Variants in CENPP observed in about 807,000 individuals in gnomAD.
CENPP encodes centromere protein P.
A neutral mutation model predicts 35.6 loss-of-function variants in CENPP; 24 were observed. The observed-to-expected ratio is 0.67, with a 90% CI of 0.49 to 0.95. CENPP has a LOEUF of 0.95. Ranked by LOEUF, CENPP falls within the 40% of genes least tolerant of loss-of-function variation. The pLI is 0.00. For missense variants in CENPP, 332 were observed against 345.3 expected, an observed-to-expected ratio of 0.96 and a Z score of 0.31; for synonymous variants, 120 against 125.5, an observed-to-expected ratio of 0.96 and a Z score of 0.29.
chr9:92,526,231 CA>C (rs1848400104), intron 5 of CENPP, among the ~76,000 whole-genome samples: 1 of 151,748 alleles, frequency 6.6e-6, no homozygotes, highest in African/African-American at 2.4e-5. Flanking sequence ...CAGTTTTTAA[CA>C]AAAATGTTTG....
intron 5 of CENPP, among the ~76,000 whole-genome samples, chr9:92,585,122 A>G (rs1850510773): frequency 6.6e-6 from 1 of 152,242 alleles, no homozygotes; most frequent in East Asian, 1.9e-4. Context: ...TAGAATGACA[A>G]GAATGTTTAC....
chr9:92,416,098 A>G (rs1293347168), intron 5 of CENPP, among the ~76,000 whole-genome samples: 1 of 133,532 alleles, frequency 7.5e-6, no homozygotes, highest in Non-Finnish European at 1.6e-5. Flanking sequence ...TTATTTATTT[A>G]TTTTATTTTT....
chr9:92,394,320 G>A (rs895802275), intron 5 of CENPP, among the ~76,000 whole-genome samples: 2 of 151,894 alleles, frequency 1.3e-5, no homozygotes, highest in Non-Finnish European at 2.9e-5. Flanking sequence ...TTGGCTCATT[G>A]CAACCTCCAC....
intron 5 of CENPP, among the ~76,000 whole-genome samples, chr9:92,594,806 A>G (rs916661020): frequency 6.6e-6 from 1 of 152,076 alleles, no homozygotes; most frequent in Non-Finnish European, 1.5e-5. Flanking sequence ...ATTTTTTAAA[A>G]ACTTTTAAAA....
At chr9:92,488,952 C>G (rs1199049351) in intron 5 of CENPP, among the ~76,000 whole-genome samples, 1 of 152,160 alleles carries the variant, frequency 6.6e-6, no homozygotes, top group East Asian at 1.9e-4. Context: ...AAAAAATATG[C>G]TAGACTAAGT....
chr9:92,471,054 C>T (rs1845493696), intron 5 of CENPP, among the ~76,000 whole-genome samples: 1 of 152,148 alleles, frequency 6.6e-6, no homozygotes, highest in African/African-American at 2.4e-5. Flanking sequence ...ATTGGAGTGG[C>T]CTTAGTGGCT....
At chr9:92,333,045 A>C (rs1840804783) in intron 2 of CENPP, among the ~76,000 whole-genome samples, 1 of 152,190 alleles carries the variant, frequency 6.6e-6, no homozygotes, top group Non-Finnish European at 1.5e-5. Context: ...GAAAGCTGCC[A>C]AGATAAATAT....
intron 5 of CENPP, chr9:92,517,394 G>C: frequency 1.8e-6 from 1 of 560,698 alleles, no homozygotes; most frequent in Non-Finnish European, 3.2e-6. Flanking sequence ...TTCAGGATCT[G>C]TTGTAGAAAT....
At chr9:92,471,667 T>TC (rs1026481998) in intron 5 of CENPP, among the ~76,000 whole-genome samples, 2 of 147,702 alleles carry the variant, frequency 1.4e-5, no homozygotes, top group African/African-American at 5.1e-5. Flanking sequence ...TATTATTCTT[T>TC]TTTTTTTTTT....
intron 5 of CENPP, among the ~76,000 whole-genome samples, chr9:92,478,524 G>A (rs1472151433): frequency 1.3e-5 from 2 of 152,006 alleles, no homozygotes; most frequent in East Asian, 3.8e-4. Flanking sequence ...CGCCATCTTG[G>A]CTCACTGCAA....
At chr9:92,372,283 C>G (rs1842029194) in intron 4 of CENPP, among the ~76,000 whole-genome samples, 4 of 151,646 alleles carry the variant, frequency 2.6e-5, no homozygotes, top group Admixed American at 2.6e-4. Context: ...TAAGCAGTGT[C>G]TAGGTGGATA....
intron 5 of CENPP, among the ~76,000 whole-genome samples, chr9:92,501,744 T>A (rs766228662): frequency 2.0e-4 from 31 of 152,150 alleles, no homozygotes; most frequent in Non-Finnish European, 4.3e-4. Flanking sequence ...GGCCTCTCCA[T>A]CCTGCTTCTG....
chr9:92,618,773 T>C lies in CENPP; in HGVS notation c.*5624T>C. On this transcript the variant is annotated 3_prime_UTR_variant, in exon 8 of 8. Coordinates refer to ENST00000375587, the MANE Select transcript of CENPP (RefSeq NM_001012267.3). ...GGGAACAGGAATCCTGGGAACTGTT[T>C]AGTTCAAAAGCACCGGGAAAGTGAG... The C allele has an allele frequency of 2.8e-6, 1 of 356,366 alleles. No individual in the cohort carries two copies. The highest frequency in any genetic ancestry group is 7.4e-5 in the East Asian group (1 of 13,570). The allele number at this position is 356,366 out of a possible 1,614,324, so 22.1% of individuals were successfully genotyped here.
intron 5 of CENPP, among the ~76,000 whole-genome samples, chr9:92,390,587 T>TGTGCGCAC (rs749697394): frequency 7.1e-6 from 1 of 141,814 alleles, no homozygotes; most frequent in African/African-American, 2.5e-5. Context: ...TGTGTGTGTG[T>TGTGCGCAC]GCGCGCGCGC....
intron 2 of CENPP, among the ~76,000 whole-genome samples, chr9:92,333,620 T>A (rs1017911295): frequency 1.3e-5 from 2 of 152,160 alleles, no homozygotes; most frequent in African/African-American, 2.4e-5. Context: ...GAAATCTAAG[T>A]AGTTATAGGA....
intron 5 of CENPP, among the ~76,000 whole-genome samples, chr9:92,381,787 A>G (rs777091103): frequency 3.9e-5 from 6 of 152,090 alleles, no homozygotes; most frequent in Non-Finnish European, 7.4e-5. Flanking sequence ...TCTATGTTTA[A>G]TTATTTGAAG....
At chr9:92,526,511 A>G (rs1355266732) in intron 5 of CENPP, among the ~76,000 whole-genome samples, 1 of 152,074 alleles carries the variant, frequency 6.6e-6, no homozygotes, top group Admixed American at 6.5e-5. Flanking sequence ...CTAATAATAC[A>G]TCGTAAAGAA....
At chr9:92,412,830 A>G (rs1296286243) in intron 5 of CENPP, among the ~76,000 whole-genome samples, 1 of 152,086 alleles carries the variant, frequency 6.6e-6, no homozygotes, top group African/African-American at 2.4e-5. Context: ...CATTTTGTTT[A>G]TCCATTGATG....
intron 2 of CENPP, among the ~76,000 whole-genome samples, chr9:92,336,294 C>G (rs1564264679): frequency 2.0e-5 from 3 of 152,168 alleles, no homozygotes. Flanking sequence ...ACCATTCTGT[C>G]TTTTTTTCCT....
Sources: allele counts gnomAD v4.1 joint callset (sites outside exome capture counted in the v4.1 genomes callset), GRCh38; gene constraint gnomAD v4.1.1; transcripts MANE v1.5; gene names NCBI Gene and HGNC (gene_info 2026-07-23, HGNC 2026-07-21).